Variants in TYW1B observed in about 807,000 individuals in gnomAD.
The protein encoded by TYW1B is tRNA-yW synthesizing protein 1 homolog B.
A neutral mutation model predicts 86.9 loss-of-function variants in TYW1B; 73 were observed. That is an observed-to-expected ratio of 0.84 (90% confidence interval 0.70 to 1.02). The LOEUF is 1.02. Among genes scored for constraint, TYW1B ranks in the 50% least tolerant of loss-of-function variants. The probability of loss-of-function intolerance (pLI) is 0.00; values close to 1 mark genes in which losing one functional copy is unlikely to be tolerated. For missense variants in TYW1B, 637 were observed against 827.4 expected (o/e 0.77, Z 2.82); for synonymous variants, 248 against 292.8 (o/e 0.85, Z 1.56).
At chr7:72,810,229 G>C (rs1554477730) in intron 4 of TYW1B, among the ~76,000 whole-genome samples, 1 of 152,222 alleles carries the variant, frequency 6.6e-6, no homozygotes, top group Non-Finnish European at 1.5e-5. Flanking sequence ...AGTGAGCTGA[G>C]ATGGTGCCAC....
At position 72,698,892 on chromosome 7, in the gene TYW1B, AAAC is replaced by A. The variant is rs1399368831; in HGVS notation, c.1371-4073_1371-4071del. Among the ~76,000 whole-genome samples the A allele has an allele frequency of 2.6e-5, 4 of 152,200 alleles. No individual in the cohort carries two copies. In the East Asian group the frequency reaches 7.7e-4, roughly 29 times the overall value. Reference sequence around the variant, plus strand: ...GACTGCAAAGTCCTAAGAGAAGCCAAAACAACAAGTCCTCAGGAAGAAATTCTG... The same window carrying A: ...GACTGCAAAGTCCTAAGAGAAGCCAAAACAAGTCCTCAGGAAGAAATTCTG... On this transcript the variant is annotated intron_variant, in intron 10 of 13. Transcript: ENST00000620995.
intron 7 of TYW1B, among the ~76,000 whole-genome samples, chr7:72,763,282 C>CTTTTTTT (rs1328471948): frequency 2.5e-5 from 3 of 118,390 alleles, no homozygotes; most frequent in Admixed American, 1.0e-4. Context: ...CTTTTCTTTT[C>CTTTTTTT]TTTTTTTTTT....
chr7:72,623,778 C>CTTA (rs1166760478), intron 12 of TYW1B, among the ~76,000 whole-genome samples: 2 of 151,896 alleles, frequency 1.3e-5, no homozygotes, highest in African/African-American at 2.4e-5. Flanking sequence ...ATGGAGAGGT[C>CTTA]TTATTATTAT....
chr7:72,771,411 T>C (rs1787866543), intron 7 of TYW1B, among the ~76,000 whole-genome samples: 1 of 152,218 alleles, frequency 6.6e-6, no homozygotes, highest in African/African-American at 2.4e-5. Context: ...TTGGAGTTGG[T>C]GAATATAGGT....
At chr7:72,586,441 A>G (rs1209196681) in intron 13 of TYW1B, among the ~76,000 whole-genome samples, 1 of 152,150 alleles carries the variant, frequency 6.6e-6, no homozygotes, top group Non-Finnish European at 1.5e-5. Context: ...TTGGCAGAGA[A>G]TATCTGGTGT....
intron 12 of TYW1B, among the ~76,000 whole-genome samples, chr7:72,619,972 G>A (rs1554437673): frequency 6.6e-6 from 1 of 152,248 alleles, no homozygotes; most frequent in South Asian, 2.1e-4. Context: ...AAACACTGAG[G>A]GGAGATTTAG....
chr7:72,689,067 C>T (rs528301937), intron 11 of TYW1B, among the ~76,000 whole-genome samples: 1 of 152,150 alleles, frequency 6.6e-6, no homozygotes, highest in African/African-American at 2.4e-5. Flanking sequence ...AGGGGTCCCA[C>T]GGTTTACATG....
chr7:72,806,619 G>A (rs1222336180), intron 5 of TYW1B, among the ~76,000 whole-genome samples: 1 of 151,790 alleles, frequency 6.6e-6, no homozygotes, highest in African/African-American at 2.4e-5. Context: ...ACCACCACAT[G>A]AGTTTCACAT....
chr7:72,806,315 G>A (rs1554476688), intron 5 of TYW1B, among the ~76,000 whole-genome samples: 4 of 149,376 alleles, frequency 2.7e-5, no homozygotes, highest in African/African-American at 9.9e-5. Context: ...AGATCACTGT[G>A]ACCTCCACCT....
rs562211257 is a variant in TYW1B, at chr7:72,654,645, T to C, written c.1507-25648A>G. On this transcript the variant is annotated intron_variant, in intron 11 of 13. Coordinates refer to ENST00000620995, the MANE Select transcript of TYW1B (RefSeq NM_001145440.3). ...CCTGTAATCCCAGTACTTTGGGAGG[T>C]TGAGGCGAGTGGATCACCTGAGGTC... Among the ~76,000 whole-genome samples the C allele has an allele frequency of 4.6e-5, 7 of 152,130 alleles. No individual in the cohort carries two copies. In the South Asian group the frequency reaches 1.2e-3, roughly 27 times the overall value.
chr7:72,792,844 G>T (rs1166685260), intron 6 of TYW1B, among the ~76,000 whole-genome samples: 2 of 152,138 alleles, frequency 1.3e-5, no homozygotes, highest in Non-Finnish European at 2.9e-5. Context: ...GCAGTCTGTA[G>T]ACCAGGAGTA....
chr7:72,721,617 C>G (rs1786903463), intron 9 of TYW1B, among the ~76,000 whole-genome samples: 2 of 151,776 alleles, frequency 1.3e-5, no homozygotes, highest in South Asian at 4.2e-4. Context: ...CACACACACA[C>G]ACACATGCAC....
intron 13 of TYW1B, among the ~76,000 whole-genome samples, chr7:72,615,351 G>C (rs1234582028): frequency 6.6e-6 from 1 of 152,198 alleles, no homozygotes; most frequent in African/African-American, 2.4e-5. Context: ...ACTAGAGGGA[G>C]AGAAGGCTGT....
chr7:72,779,812 T>A (rs1788019738), intron 6 of TYW1B, among the ~76,000 whole-genome samples: 2 of 136,916 alleles, frequency 1.5e-5, no homozygotes, highest in African/African-American at 2.8e-5. Context: ...TGCTCTGAAA[T>A]AGGACATCAG....
intron 8 of TYW1B, among the ~76,000 whole-genome samples, chr7:72,734,401 G>A (rs185617094): frequency 2.6e-5 from 4 of 152,118 alleles, no homozygotes; most frequent in East Asian, 3.9e-4. Flanking sequence ...ACCAATTTTC[G>A]ACAAAGGTGC....
At chr7:72,643,955 GT>G (rs1812864681) in intron 11 of TYW1B, among the ~76,000 whole-genome samples, 3 of 152,248 alleles carry the variant, frequency 2.0e-5, no homozygotes, top group Non-Finnish European at 4.4e-5. Flanking sequence ...GAAAATGACA[GT>G]TCAGCATCTC....
intron 13 of TYW1B, among the ~76,000 whole-genome samples, chr7:72,598,793 C>T (rs1428094981): frequency 6.6e-6 from 1 of 151,974 alleles, no homozygotes; most frequent in Non-Finnish European, 1.5e-5. Context: ...TAATCTGGGG[C>T]TACAGCAGGT....
chr7:72,625,809 T>C (rs1812329471), intron 12 of TYW1B, among the ~76,000 whole-genome samples: 1 of 148,150 alleles, frequency 6.7e-6, no homozygotes, highest in Admixed American at 7.0e-5. Flanking sequence ...TTAAAAAATG[T>C]TGACTGATTT....
At chr7:72,735,375 G>C (rs1787179509) in intron 8 of TYW1B, among the ~76,000 whole-genome samples, 1 of 152,072 alleles carries the variant, frequency 6.6e-6, no homozygotes, top group African/African-American at 2.4e-5. Flanking sequence ...TTTGAAGCCA[G>C]CCTGGCCAAC....
Sources: allele counts gnomAD v4.1 joint callset (sites outside exome capture counted in the v4.1 genomes callset), GRCh38; gene constraint gnomAD v4.1.1; transcripts MANE v1.5; gene names NCBI Gene and HGNC (gene_info 2026-07-23, HGNC 2026-07-21).